Variants in XIAP observed in about 807,000 individuals in gnomAD.
XIAP encodes the protein E3 ubiquitin-protein ligase XIAP.
Under a neutral mutation model 33.1 loss-of-function variants are expected in XIAP, and 3 were observed. That is an observed-to-expected ratio of 0.09 (90% CI 0.04 to 0.23). The LOEUF is 0.23. Ranked by LOEUF, XIAP falls within the 10% of genes least tolerant of loss-of-function variation. The pLI is 1.00. For synonymous variants in XIAP, 98 were observed against 121.3 expected (o/e 0.81, Z 1.26); for missense variants, 264 against 363.0 (o/e 0.73, Z 2.22).
In XIAP at chrX:123,912,775, C is replaced by G. The variant is rs977189715; in HGVS notation, c.*5594C>G. 1.4e-4 allele frequency: 44 copies of G among 324,635 alleles called. No individual in the cohort carries two copies. Among genetic ancestry groups the G allele is most frequent in the African/African-American group, 1.1e-3 (41 of 37,004 alleles). 26.8% of individuals were successfully genotyped at this position (324,635 alleles called of 1,213,427 possible). A position where few individuals can be genotyped will look rare whatever the true frequency, so the allele number is the denominator to read the frequency against. On this transcript the variant is annotated 3_prime_UTR_variant, in exon 7 of 7. Transcript: ENST00000371199. ...TCTTGGCTCATGGCAAACTCTGCCTCGCAAGCAGCTGGGACTACAGGCATG... is the reference window on the plus strand; with the variant it reads ...TCTTGGCTCATGGCAAACTCTGCCTGGCAAGCAGCTGGGACTACAGGCATG...
intron 4 of XIAP, among the ~76,000 whole-genome samples, chrX:123,892,104 G>A (rs958482455): frequency 6.3e-5 from 7 of 111,610 alleles, no homozygotes; most frequent in South Asian, 3.7e-4. Context: ...GGTGGCTCAC[G>A]CCTGTAATCC....
intron 3 of XIAP, among the ~76,000 whole-genome samples, chrX:123,890,056 G>A (rs2053391495): frequency 1.4e-5 from 1 of 72,461 alleles, no homozygotes; most frequent in East Asian, 4.8e-4. Flanking sequence ...TCGCTCTGTC[G>A]CCCAGGCTGG....
At chrX:123,876,810 A>C (rs2053250063) in intron 1 of XIAP, among the ~76,000 whole-genome samples, 1 of 112,304 alleles carries the variant, frequency 8.9e-6, no homozygotes, top group Non-Finnish European at 1.9e-5. Flanking sequence ...TCTTCCTAGA[A>C]TAATCCCATT....
At chrX:123,866,446 AAT>A (rs1352580171) in intron 1 of XIAP, among the ~76,000 whole-genome samples, 14 of 99,419 alleles carry the variant, frequency 1.4e-4, no homozygotes, top group Non-Finnish European at 2.6e-4. Context: ...CATGATATAT[AAT>A]ATATATGATA....
intron 6 of XIAP, among the ~76,000 whole-genome samples, chrX:123,905,301 A>G (rs1429920206): frequency 9.0e-6 from 1 of 111,506 alleles, no homozygotes; most frequent in African/African-American, 3.3e-5. Context: ...TCTGTGCCCA[A>G]GCTTTGCCTG....
intron 1 of XIAP, among the ~76,000 whole-genome samples, chrX:123,876,793 T>C (rs373691792): frequency 3.6e-5 from 4 of 112,013 alleles, no homozygotes; most frequent in South Asian, 3.7e-4. Flanking sequence ...CTATCAATGT[T>C]AGGCAGTCTT....
chrX:123,873,959 G>T (rs1347333515), intron 1 of XIAP: 2 of 109,384 alleles, frequency 1.8e-5, no homozygotes, highest in African/African-American at 6.7e-5. Context: ...AACCTGGTGG[G>T]TTGCTCAGAG....
At chrX:123,862,855 C>T (rs1231351903) in intron 1 of XIAP, among the ~76,000 whole-genome samples, 1 of 103,379 alleles carries the variant, frequency 9.7e-6, no homozygotes, top group Middle Eastern at 5.0e-3. Flanking sequence ...ACCTTTGTCC[C>T]GAAAAAAAAA....
chrX:123,898,158 T>C (rs2053477629), intron 5 of XIAP, among the ~76,000 whole-genome samples: 2 of 111,854 alleles, frequency 1.8e-5, no homozygotes, highest in African/African-American at 6.5e-5. Context: ...TTGCTCTCTG[T>C]AATCCTTTTA....
chrX:123,895,573 G>A (rs1056081315), intron 5 of XIAP, among the ~76,000 whole-genome samples: 2 of 111,685 alleles, frequency 1.8e-5, no homozygotes, highest in African/African-American at 3.3e-5. Context: ...TACCAGAAGT[G>A]TATGAGGATT....
Position 123,892,596 on chromosome X carries a change from C to T in XIAP, c.1057-135C>T, listed in dbSNP as rs2053417938. On this transcript the variant is annotated intron_variant, in intron 4 of 6. Transcript: ENST00000371199. ...TCCTTCTAGCTCCATCAGGCTATGC[C>T]TCTTGTGAATATTCATATATTGAAT... 6 of 499,750 alleles carry T rather than the reference C, an allele frequency of 1.2e-5. No individual in the cohort carries two copies. In the East Asian group the frequency reaches 1.9e-4, roughly 16 times the overall value. The allele number at this position is 499,750 out of a possible 1,213,427, so 41.2% of individuals were successfully genotyped here. A position where few individuals can be genotyped will look rare whatever the true frequency, so the allele number is the denominator to read the frequency against.
chrX:123,875,845 C>G (rs2053239450), intron 1 of XIAP, among the ~76,000 whole-genome samples: 1 of 111,012 alleles, frequency 9.0e-6, no homozygotes, highest in Non-Finnish European at 1.9e-5. Flanking sequence ...GCCACCACGC[C>G]TGACTAATTT....
At position 123,870,622 on chromosome X, in the gene XIAP, C is replaced by CA. The variant is rs1387338484; in HGVS notation, c.-33+10338dup. 2.7e-5 allele frequency among the ~76,000 whole-genome samples: 3 copies of CA among 109,803 alleles called. No homozygotes were observed. The Admixed American group carries it at 2.9e-4, about 11-fold the overall frequency. ...GCAATATAGTGAGACCTTGTCTCTA[C>CA]AAAAAAAAATTTAAAAATTAGCTGA... On this transcript the variant is annotated intron_variant, in intron 1 of 6. Transcript: ENST00000371199.
At position 123,910,504 on chromosome X, in the gene XIAP, A is replaced by G; in HGVS notation, c.*3323A>G. ...TTATTTCCTGATTACACAGGTGTTG[A>G]ATGGGGAAAGGGGCTAGTATATCAG... is the stretch of plus-strand genomic sequence containing the variant. On this transcript the variant is annotated 3_prime_UTR_variant, in exon 7 of 7. Coordinates refer to ENST00000371199, the MANE Select transcript of XIAP (RefSeq NM_001167.4). The G allele has an allele frequency of 9.1e-6, 3 of 329,390 alleles. No individual in the cohort carries two copies. Among genetic ancestry groups the G allele is most frequent in the South Asian group, 5.2e-5 (2 of 38,481 alleles). 27.1% of individuals were successfully genotyped at this position (329,390 alleles called of 1,213,427 possible).
rs769143454 is a variant in XIAP, at chrX:123,912,819, A to G, written c.*5638A>G. On this transcript the variant is annotated 3_prime_UTR_variant, in exon 7 of 7. Transcript: ENST00000371199. The stretch of plus-strand genomic sequence containing the variant: ...AGGCATGCTCCACGGTGCCCAGTTA[A>G]TTTTTTTTGTATTCTTAGTAGAGAC... 1 of 319,633 alleles carries G rather than the reference A, an allele frequency of 3.1e-6. No individual in the cohort carries two copies. The highest frequency in any genetic ancestry group is 2.7e-5 in the South Asian group (1 of 36,594). The allele number at this position is 319,633 out of a possible 1,213,427, so 26.3% of individuals were successfully genotyped here.
rs2053344257 is a variant in XIAP, at chrX:123,885,641, C to G, written c.-22C>G. 1.7e-6 allele frequency: 2 copies of G among 1,205,677 alleles called. No individual in the cohort carries two copies. Among genetic ancestry groups the G allele is most frequent in the East Asian group, 5.9e-5 (2 of 33,830 alleles). On this transcript the variant is annotated 5_prime_UTR_variant, in exon 2 of 7. Coordinates refer to ENST00000371199, the MANE Select transcript of XIAP (RefSeq NM_001167.4). Reference sequence around the variant, plus strand: ...ATGTTCTCTTTTTAGAAAAGGTGGACAAGTCCTATTTTCAAGAGAAGATGA... The same window carrying G: ...ATGTTCTCTTTTTAGAAAAGGTGGAGAAGTCCTATTTTCAAGAGAAGATGA...
chrX:123,866,633 A>T lies in XIAP; in HGVS notation c.-33+6340A>T, dbSNP rs565592349. Among the ~76,000 whole-genome samples, 151 of 103,262 alleles carry T rather than the reference A, an allele frequency of 1.5e-3. 1 individual carries two copies. Among genetic ancestry groups the T allele is most frequent in the Middle Eastern group, 0.015 (3 of 206 alleles). 89.7% of individuals were successfully genotyped at this position (103,262 alleles called of 115,157 possible). ...TAATATATAATACAATATATGTAAAATATATATAATATATAACACAATATA... is the reference window on the plus strand; with the variant it reads ...TAATATATAATACAATATATGTAAATTATATATAATATATAACACAATATA... On this transcript the variant is annotated intron_variant, in intron 1 of 6. Coordinates refer to ENST00000371199, the MANE Select transcript of XIAP (RefSeq NM_001167.4).
At chrX:123,881,278 C>T (rs1294558612) in intron 1 of XIAP, among the ~76,000 whole-genome samples, 1 of 110,902 alleles carries the variant, frequency 9.0e-6, no homozygotes, top group Non-Finnish European at 1.9e-5. Flanking sequence ...ATATTCATAC[C>T]CTATTTTCTT....
chrX:123,901,697 T>C (rs1045380106), intron 6 of XIAP, among the ~76,000 whole-genome samples: 6 of 112,238 alleles, frequency 5.3e-5, no homozygotes, highest in Admixed American at 3.8e-4. Context: ...TTTAAAATTA[T>C]ATTCATTGAT....
Sources: gnomAD v4.1 joint callset for allele counts (sites outside exome capture counted in the v4.1 genomes callset) on GRCh38, gnomAD v4.1.1 for gene constraint, MANE v1.5 for transcripts, NCBI Gene and HGNC (gene_info 2026-07-23, HGNC 2026-07-21) for gene names.